Variants in SLC25A40 observed in about 807,000 individuals in gnomAD.
The protein encoded by SLC25A40 is mitochondrial glutathione transporter SLC25A40.
In SLC25A40, 41 loss-of-function variants were observed where a neutral mutation model predicts 46.5. That is an observed-to-expected ratio of 0.88 (90% CI 0.69 to 1.14). The LOEUF (loss-of-function observed/expected upper bound fraction) is 1.14. Ranked by LOEUF, SLC25A40 falls within the 50% of genes most tolerant of loss-of-function variation. The pLI is 0.00. For synonymous variants in SLC25A40, 126 were observed against 127.5 expected, an observed-to-expected ratio of 0.99 and a Z score of 0.08; for missense variants, 386 against 393.6, an observed-to-expected ratio of 0.98 and a Z score of 0.16.
chr7:87,850,395 AC>A (rs1838489462), intron 5 of SLC25A40, among the ~76,000 whole-genome samples: 2 of 152,234 alleles, frequency 1.3e-5, no homozygotes, highest in Non-Finnish European at 1.5e-5. Flanking sequence ...CAATTTGATA[AC>A]AAAAAGATAA....
chr7:87,851,126 A>C (rs1283021628), intron 5 of SLC25A40, among the ~76,000 whole-genome samples: 1 of 152,248 alleles, frequency 6.6e-6, no homozygotes, highest in Non-Finnish European at 1.5e-5. Context: ...ACATGTTCAC[A>C]CAGAAACATG....
rs988091611 is a variant in SLC25A40 at position 87,835,405 on chromosome 7, C to A, written c.*844G>T. The A allele has an allele frequency of 6.6e-6, 1 of 151,544 alleles. No homozygotes were observed. The highest frequency in any genetic ancestry group is 1.5e-5 in the Non-Finnish European group (1 of 67,686). The allele number at this position is 151,544 out of a possible 1,614,324, so 9.4% of individuals were successfully genotyped here. ...AAAATGACCTAGAGAATTCCATGAACAATGATACTTGGATTACAAGAGAGC... is the reference window on the plus strand; with the variant it reads ...AAAATGACCTAGAGAATTCCATGAAAAATGATACTTGGATTACAAGAGAGC... On this transcript the variant is annotated 3_prime_UTR_variant, in exon 12 of 12. Transcript: ENST00000341119.
intron 1 of SLC25A40, among the ~76,000 whole-genome samples, chr7:87,866,593 G>A (rs947013933): frequency 1.2e-4 from 19 of 152,190 alleles, no homozygotes; most frequent in African/African-American, 4.1e-4. Flanking sequence ...CGTCCTCTGA[G>A]GAGAAACGTC....
At chr7:87,865,691 G>T (rs1838783308) in intron 1 of SLC25A40, among the ~76,000 whole-genome samples, 1 of 152,068 alleles carries the variant, frequency 6.6e-6, no homozygotes, top group South Asian at 2.1e-4. Flanking sequence ...AGAATTGCTT[G>T]AACCCAGGAG....
At chr7:87,848,400 CTAAA>C (rs1255627419) in intron 6 of SLC25A40, among the ~76,000 whole-genome samples, 2 of 151,968 alleles carry the variant, frequency 1.3e-5, no homozygotes, top group South Asian at 4.2e-4. Flanking sequence ...AAGACTGTCT[CTAAA>C]TAAATAAATA....
In SLC25A40 at chr7:87,847,855, C is replaced by T. The variant is rs773902457; in HGVS notation, c.455G>A (p.Arg152Lys). The change falls in exon 7 of 12, where the codon AGA becomes AAA. Residue 152 changes from arginine (R) to lysine (K), a missense_variant and splice_region_variant. By Grantham distance (26) the Arg-to-Lys change is conservative. Transcript: ENST00000341119. ...CIPIVAGIVA[R>K]FGAVTVISPL... ...GAAAATAAAGATTTATTACTCACAT[C>T]TGGCTACAATTCCAGCAACAATTGG... is the stretch of plus-strand genomic sequence containing the variant. 1 of 1,604,936 alleles carries T rather than the reference C, an allele frequency of 6.2e-7. No individual in the cohort carries two copies. The highest frequency in any genetic ancestry group is 1.3e-5 in the African/African-American group (1 of 74,596).
rs1455346649 is a variant in SLC25A40, at chr7:87,854,266, C to T, written c.202G>A (p.Val68Ile). Residue 68 changes from valine to isoleucine, a missense_variant, in exon 5 of 12, where the codon GTC becomes ATC. Val to Ile is a conservative substitution (Grantham distance 29). Coordinates refer to ENST00000341119, the MANE Select transcript of SLC25A40 (RefSeq NM_018843.4). ...YSNGLMDHLC[V>I]CEEGGNKLWY... is the part of the protein sequence containing the mutation. Reference sequence around the variant, plus strand: ...AGTTTGTTGCCTCCCTCTTCACAGACACATAGATGATCCATGAGTCCATTA... The same window carrying T: ...AGTTTGTTGCCTCCCTCTTCACAGATACATAGATGATCCATGAGTCCATTA... The T allele has an allele frequency of 6.2e-7, 1 of 1,613,462 alleles. No individual in the cohort carries two copies. The highest frequency in any genetic ancestry group is 1.1e-5 in the South Asian group (1 of 91,058).
At chr7:87,840,779 T>C (rs539953723) in intron 10 of SLC25A40, among the ~76,000 whole-genome samples, 4 of 151,928 alleles carry the variant, frequency 2.6e-5, no homozygotes, top group Admixed American at 2.6e-4. Context: ...AATAGGTATT[T>C]GATAGGTCAA....
At chr7:87,857,686 G>A (rs1838635364) in intron 3 of SLC25A40, among the ~76,000 whole-genome samples, 1 of 152,146 alleles carries the variant, frequency 6.6e-6, no homozygotes, top group Non-Finnish European at 1.5e-5. Context: ...ATAAGCTAAG[G>A]ATGTACATCA....
At chr7:87,852,953 A>C (rs1838541747) in intron 5 of SLC25A40, among the ~76,000 whole-genome samples, 1 of 152,226 alleles carries the variant, frequency 6.6e-6, no homozygotes, top group South Asian at 2.1e-4. Flanking sequence ...TAGCCTTGAT[A>C]CCAAAAGCAT....
intron 9 of SLC25A40, chr7:87,841,923 T>A (rs960496113): frequency 6.2e-6 from 2 of 320,702 alleles, no homozygotes; most frequent in African/African-American, 4.5e-5. Context: ...CTCAGAAAAA[T>A]TCCCTTACTT....
intron 5 of SLC25A40, 73 bp downstream of exon 5, chr7:87,854,131 C>T: frequency 9.8e-7 from 1 of 1,024,864 alleles, no homozygotes; most frequent in South Asian, 1.3e-5. Context: ...AACCCTCTTG[C>T]AATTAGAAAA....
In SLC25A40 at chr7:87,836,262, C is replaced by A; in HGVS notation, c.1004G>T (p.Arg335Met). 1 of 1,584,798 alleles carries A rather than the reference C, an allele frequency of 6.3e-7. No individual in the cohort carries two copies. The highest frequency in any genetic ancestry group is 1.2e-5 in the South Asian group (1 of 86,174). The change falls in exon 12 of 12, where the codon AGG becomes ATG. Residue 335 changes from arginine to methionine, a missense_variant. Coordinates refer to ENST00000341119, the MANE Select transcript of SLC25A40 (RefSeq NM_018843.4). ...GAAACAGCATCACTAGTATTGCTGC[C>A]TTCGAACATTTTGTTTCTGGAAAAA... ...KAFFQKQNVR[R>M]QQY
chr7:87,841,159 G>GTGTA lies in SLC25A40; in HGVS notation c.823+473_823+474insTACA, dbSNP rs1353494290. Among the ~76,000 whole-genome samples, 508 of 137,702 alleles carry GTGTA rather than the reference G, an allele frequency of 3.7e-3. 2 individuals carry two copies. The highest frequency in any genetic ancestry group is 0.013 in the African/African-American group (478 of 35,416). The allele number at this position is 137,702 out of a possible 152,430, so 90.3% of individuals were successfully genotyped here. ...TGTGTGTGTGTGTGTGTGTGTGTGT[G>GTGTA]TATATATATATATATATACATATAT... On this transcript the variant is annotated intron_variant, in intron 10 of 11. Transcript: ENST00000341119.
At chr7:87,843,941 T>C (rs1240425302) in intron 8 of SLC25A40, 78 bp from the exon 9 acceptor site, 2 of 1,389,022 alleles carry the variant, frequency 1.4e-6, no homozygotes, top group East Asian at 2.6e-5. Flanking sequence ...TGAGGTTATA[T>C]ATTCAGGGGA....
At position 87,869,893 on chromosome 7, in the gene SLC25A40, T is replaced by C. The variant is rs989130775; in HGVS notation, c.-94+6203A>G. Reference sequence around the variant, plus strand: ...ATTCAGAAAATGTTTTCCGAAGCCGTTGAACCATTTTACACACCCACCAGC... The same window carrying C: ...ATTCAGAAAATGTTTTCCGAAGCCGCTGAACCATTTTACACACCCACCAGC... On this transcript the variant is annotated intron_variant, in intron 1 of 11. Transcript: ENST00000341119. Among the ~76,000 whole-genome samples the C allele has an allele frequency of 6.6e-5, 10 of 152,196 alleles. No homozygotes were observed. In the East Asian group the frequency reaches 1.5e-3, roughly 23 times the overall value.
intron 10 of SLC25A40, among the ~76,000 whole-genome samples, chr7:87,839,145 T>C (rs1392875130): frequency 6.6e-6 from 1 of 151,550 alleles, no homozygotes; most frequent in Non-Finnish European, 1.5e-5. Context: ...TGGCATAAGG[T>C]TCCCAGTGAG....
chr7:87,845,288 G>C (rs560376408), intron 8 of SLC25A40, among the ~76,000 whole-genome samples: 3 of 152,116 alleles, frequency 2.0e-5, no homozygotes, highest in African/African-American at 7.2e-5. Context: ...AGGGGTCCAC[G>C]ACCCCAGGGC....
At chr7:87,863,522 T>C (rs1838739826) in intron 1 of SLC25A40, among the ~76,000 whole-genome samples, 1 of 151,870 alleles carries the variant, frequency 6.6e-6, no homozygotes, top group Non-Finnish European at 1.5e-5. Flanking sequence ...CCTTTATAAA[T>C]AACCCAGTCT....
Sources: allele counts gnomAD v4.1 joint callset (sites outside exome capture counted in the v4.1 genomes callset), GRCh38; gene constraint gnomAD v4.1.1; transcripts MANE v1.5; gene names NCBI Gene and HGNC (gene_info 2026-07-23, HGNC 2026-07-21).